PCDH15: variants seen among roughly 807,000 people sequenced by gnomAD.
The protein encoded by PCDH15 is protocadherin related 15.
In PCDH15, 129 loss-of-function variants were observed where a neutral mutation model predicts 178.5. The ratio of observed to expected loss-of-function variants is 0.72; its 90% CI spans 0.63 to 0.84. The LOEUF (loss-of-function observed/expected upper bound fraction) is 0.84. PCDH15 is among the 40% of genes least tolerant of loss of function. The pLI, the probability that PCDH15 is intolerant of heterozygous loss-of-function variation, is 0.00. For missense variants in PCDH15, 2,230 were observed against 2,099.9 expected, an observed-to-expected ratio of 1.06 and a Z score of -1.21; for synonymous variants, 800 against 732.0, an observed-to-expected ratio of 1.09 and a Z score of -1.50.
At chr10:55,165,076 T>C (rs1156701282) in intron 2 of PCDH15, among the ~76,000 whole-genome samples, 1 of 152,072 alleles carries the variant, frequency 6.6e-6, no homozygotes, top group Non-Finnish European at 1.5e-5. Context: ...TACATTTTTA[T>C]TTGAATGTCC....
chr10:55,029,279 ATC>A (rs1296569669), intron 2 of PCDH15, among the ~76,000 whole-genome samples: 2 of 152,010 alleles, frequency 1.3e-5, no homozygotes, highest in African/African-American at 4.8e-5. Context: ...CCAAAATAGT[ATC>A]TGTTATGTTT....
chr10:54,702,312 AC>A (rs1198560446), intron 1 of PCDH15, among the ~76,000 whole-genome samples: 1 of 151,692 alleles, frequency 6.6e-6, no homozygotes, highest in Non-Finnish European at 1.5e-5. Context: ...GCAGTGTTAA[AC>A]AAAAATAAAC....
intron 5 of PCDH15, among the ~76,000 whole-genome samples, chr10:54,360,984 C>A (rs1008580730): frequency 2.0e-5 from 3 of 151,978 alleles, no homozygotes; most frequent in Non-Finnish European, 4.4e-5. Context: ...CTATGTTAAC[C>A]ATTTATTTTT....
rs1445807845 is a variant in PCDH15, at chr10:55,068,773, G to GTT, written c.-80+97802_-80+97803insAA. On this transcript the variant is annotated intron_variant, in intron 2 of 5. Coordinates refer to the PCDH15 transcript ENST00000458638. ...TCTCTTCACTTTCTTTCATCATTGT[G>GTT]TGTGTGTGTGTGCGTGCACGTGTGT... Among the ~76,000 whole-genome samples the GTT allele has an allele frequency of 4.0e-5, 6 of 151,748 alleles. No individual in the cohort carries two copies. In the East Asian group the frequency reaches 1.2e-3, roughly 29 times the overall value.
At chr10:54,622,582 T>A (rs1590620816) in intron 2 of PCDH15, among the ~76,000 whole-genome samples, 1 of 46,184 alleles carries the variant, frequency 2.2e-5, no homozygotes, top group Admixed American at 3.1e-4. Context: ...TATATATATA[T>A]AATATATATA....
intron 18 of PCDH15, among the ~76,000 whole-genome samples, chr10:54,042,662 C>A (rs561620269): frequency 2.0e-5 from 3 of 152,072 alleles, no homozygotes; most frequent in Non-Finnish European, 2.9e-5. Context: ...TTGGAGAGAG[C>A]AGGAGGAGCC....
chr10:54,882,160 T>C (rs1041294758), intron 3 of PCDH15, among the ~76,000 whole-genome samples: 4 of 152,082 alleles, frequency 2.6e-5, no homozygotes, highest in African/African-American at 9.7e-5. Context: ...AAGAGAAGAA[T>C]CTCATCTGTT....
At chr10:53,851,671 A>AATATATATATAT (rs71004485) in intron 28 of PCDH15, among the ~76,000 whole-genome samples, 29 of 104,554 alleles carry the variant, frequency 2.8e-4, no homozygotes, top group Non-Finnish European at 4.4e-4. Context: ...TCCTCCTAGA[A>AATATATATATAT]ATATATATAT....
rs1841001268 is a variant in PCDH15 at position 53,803,740 on chromosome 10, C to T, written c.*2839G>A. On this transcript the variant is annotated 3_prime_UTR_variant, in exon 38 of 38. Transcript: ENST00000644397. ...TATTTTCTCATTCTTCCTCTGCTTT[C>T]CCTTAATGCCCACAAGACCTTCTAA... 6.6e-6 allele frequency: 1 copy of T among 151,874 alleles called. No homozygotes were observed. 9.4% of individuals were successfully genotyped at this position (151,874 alleles called of 1,614,324 possible).
intron 3 of PCDH15, among the ~76,000 whole-genome samples, chr10:54,477,777 T>C (rs1482003918): frequency 6.6e-6 from 1 of 152,048 alleles, no homozygotes; most frequent in East Asian, 1.9e-4. Flanking sequence ...TGTATTAATA[T>C]ATTTTAGTAG....
At chr10:55,409,930 ATAAT>A (rs1453610930) in intron 2 of PCDH15, among the ~76,000 whole-genome samples, 1 of 152,184 alleles carries the variant, frequency 6.6e-6, no homozygotes, top group East Asian at 1.9e-4. Context: ...ACTGAAGGCT[ATAAT>A]TAACTCAACT....
At chr10:55,069,237 G>T (rs1486119549) in intron 2 of PCDH15, among the ~76,000 whole-genome samples, 2 of 110,320 alleles carry the variant, frequency 1.8e-5, no homozygotes, top group African/African-American at 6.6e-5. Flanking sequence ...GATTTGGTTT[G>T]CTGGTATTTT....
At chr10:54,179,332 C>G (rs1432717020) in intron 13 of PCDH15, among the ~76,000 whole-genome samples, 3 of 149,312 alleles carry the variant, frequency 2.0e-5, no homozygotes, top group African/African-American at 4.9e-5. Context: ...AAAAACCAAA[C>G]ACCGCATGTT....
intron 2 of PCDH15, among the ~76,000 whole-genome samples, chr10:55,139,635 G>A (rs1838294127): frequency 6.6e-6 from 1 of 151,906 alleles, no homozygotes; most frequent in Admixed American, 6.6e-5. Context: ...TTTTCATTCT[G>A]TTCCATCGAT....
intron 2 of PCDH15, among the ~76,000 whole-genome samples, chr10:54,655,292 GAGAGAGAGAGAC>G (rs1178161752): frequency 3.0e-3 from 364 of 120,764 alleles, no homozygotes; most frequent in Non-Finnish European, 4.3e-3. Context: ...GAGAGAGAGA[GAGAGAGAGAGAC>G]AGAGAGAGAG....
At chr10:55,466,158 C>T (rs930895708) in intron 2 of PCDH15, among the ~76,000 whole-genome samples, 1 of 152,000 alleles carries the variant, frequency 6.6e-6, no homozygotes, top group African/African-American at 2.4e-5. Flanking sequence ...TTTCCTAATT[C>T]GGTGAACTAC....
intron 3 of PCDH15, among the ~76,000 whole-genome samples, chr10:54,380,127 A>G (rs1353779211): frequency 6.6e-6 from 1 of 152,054 alleles, no homozygotes; most frequent in East Asian, 1.9e-4. Context: ...TACTACTACT[A>G]CCAGTCTTTA....
intron 1 of PCDH15, among the ~76,000 whole-genome samples, chr10:54,773,975 T>C (rs1348093332): frequency 2.7e-5 from 4 of 145,902 alleles, no homozygotes; most frequent in African/African-American, 1.0e-4. Context: ...TTCATAAAAG[T>C]CAAGTCTAGA....
chr10:53,836,221 C>T (rs2077299084), intron 29 of PCDH15, among the ~76,000 whole-genome samples: 2 of 152,048 alleles, frequency 1.3e-5, no homozygotes, highest in Admixed American at 1.3e-4. Flanking sequence ...CCCAAGACCC[C>T]CTGTAAATGT....
Sources: gnomAD v4.1 joint callset for allele counts (sites outside exome capture counted in the v4.1 genomes callset) on GRCh38, gnomAD v4.1.1 for gene constraint, MANE v1.5 for transcripts, NCBI Gene and HGNC (gene_info 2026-07-23, HGNC 2026-07-21) for gene names.